PCDHGB3: variants seen among roughly 807,000 people sequenced by gnomAD.
The protein encoded by PCDHGB3 is protocadherin gamma subfamily B, 3, also known as protocadherin gamma-B3.
A neutral mutation model predicts 59.2 loss-of-function variants in PCDHGB3; 40 were observed. The observed-to-expected ratio is 0.68, with a 90% CI of 0.52 to 0.88. The LOEUF (loss-of-function observed/expected upper bound fraction) is 0.88. Ranked by LOEUF, PCDHGB3 falls within the 40% of genes least tolerant of loss-of-function variation. PCDHGB3 has a pLI of 0.00. For missense variants in PCDHGB3, 1,309 were observed against 1,187.9 expected (o/e 1.10, Z -1.50); for synonymous variants, 581 against 503.6 (o/e 1.15, Z -2.06).
intron 1 of PCDHGB3, chr5:141,375,974 G>T: frequency 6.2e-7 from 1 of 1,613,354 alleles, no homozygotes; most frequent in Non-Finnish European, 8.5e-7. Context: ...CACGGCGCGC[G>T]CCCTGCTGGA....
At chr5:141,497,595 A>C (rs973413640) in intron 2 of PCDHGB3, among the ~76,000 whole-genome samples, 1 of 147,414 alleles carries the variant, frequency 6.8e-6, no homozygotes, top group East Asian at 2.0e-4. Context: ...GCTGGAGTGC[A>C]GTGGTGCGAT....
chr5:141,495,547 C>G (rs2099762038), intron 2 of PCDHGB3, among the ~76,000 whole-genome samples: 1 of 152,228 alleles, frequency 6.6e-6, no homozygotes, highest in South Asian at 2.1e-4. Flanking sequence ...CAGTCTCTAT[C>G]TCGCTTTGCA....
At chr5:141,388,261 T>C in intron 1 of PCDHGB3, 1 of 1,611,348 alleles carries the variant, frequency 6.2e-7, no homozygotes. Flanking sequence ...ATCGAGGACA[T>C]TAATGACCAC....
At chr5:141,510,272 T>TAA (rs546154379) in intron 3 of PCDHGB3, among the ~76,000 whole-genome samples, 3,403 of 130,344 alleles carry the variant, frequency 0.026, 48 homozygotes, top group East Asian at 0.043. Context: ...GACTCCATCT[T>TAA]AAAAAAAAAA....
chr5:141,401,613 G>A (rs906957282), intron 1 of PCDHGB3, among the ~76,000 whole-genome samples: 1 of 152,162 alleles, frequency 6.6e-6, no homozygotes, highest in Admixed American at 6.5e-5. Flanking sequence ...AAAAGACACC[G>A]GATTTGTCTT....
intron 3 of PCDHGB3, 90 bp from the exon 4 acceptor site, chr5:141,510,857 A>G (rs1184962556): frequency 6.2e-7 from 1 of 1,605,538 alleles, no homozygotes; most frequent in Non-Finnish European, 8.5e-7. Flanking sequence ...AGGGTGCTGT[A>G]TAGGCATTCA....
rs1284989963 is a variant in PCDHGB3 at position 141,419,134 on chromosome 5, A to T, written c.2415+46325A>T. On this transcript the variant is annotated intron_variant, in intron 1 of 3. Transcript: ENST00000576222. ...AGTACAACGTCACCATCGCAGCCAC[A>T]GACAGGGGCAAGCCTCCGTTATCCT... is the stretch of plus-strand genomic sequence containing the variant. 2.5e-6 allele frequency: 4 copies of T among 1,613,826 alleles called. No individual in the cohort carries two copies. In the African/African-American group the frequency reaches 5.3e-5, roughly 22 times the overall value.
intron 1 of PCDHGB3, chr5:141,385,538 G>A (rs914768371): frequency 4.1e-5 from 55 of 1,337,642 alleles, no homozygotes; most frequent in Non-Finnish European, 4.8e-5. Flanking sequence ...TTATGAATAT[G>A]TGGACTATCA....
In PCDHGB3 at chr5:141,491,759, G is replaced by A; in HGVS notation, c.2416-3048G>A. On this transcript the variant is annotated intron_variant, in intron 1 of 3. Coordinates refer to ENST00000576222, the MANE Select transcript of PCDHGB3 (RefSeq NM_018924.5). The surrounding 1 kb of genome is among the most constrained non-coding windows in gnomAD (Gnocchi z 6.9). ...GGGGGCGGCACTGGAGAAGCCGCCC[G>A]TCCTCATAAGGGATTGAACTTGCAT... 2 of 1,575,392 alleles carry A rather than the reference G, an allele frequency of 1.3e-6. No homozygotes were observed. The highest frequency in any genetic ancestry group is 1.9e-5 in the Admixed American group (1 of 52,640).
Position 141,486,785 on chromosome 5 carries a change from C to G in PCDHGB3, c.2416-8022C>G, listed in dbSNP as rs763174232. The G allele has an allele frequency of 2.8e-5, 45 of 1,614,102 alleles. No homozygotes were observed. The highest frequency in any genetic ancestry group is 3.6e-5 in the Non-Finnish European group (42 of 1,180,050). On this transcript the variant is annotated intron_variant, in intron 1 of 3. Coordinates refer to ENST00000576222, the MANE Select transcript of PCDHGB3 (RefSeq NM_018924.5). The surrounding 1 kb of genome is among the most constrained non-coding windows in gnomAD (Gnocchi z 5.0). ...GACACTGCAGTTTGAGGTGCAGGCC[C>G]GGGATCGGGGCAACCCACCCCTTAG... is the stretch of plus-strand genomic sequence containing the variant.
At chr5:141,426,680 T>TC in intron 1 of PCDHGB3, 1 of 431,452 alleles carries the variant, frequency 2.3e-6, no homozygotes, top group South Asian at 1.6e-5. Context: ...CACCTCATTT[T>TC]CCCCAAAATA....
intron 1 of PCDHGB3, chr5:141,413,404 C>T: frequency 6.2e-7 from 1 of 1,614,046 alleles, no homozygotes; most frequent in Non-Finnish European, 8.5e-7. Context: ...AGGTAGGACG[C>T]AGCTTTTCTC....
chr5:141,420,205 C>T (rs776838072), intron 1 of PCDHGB3: 14 of 1,612,942 alleles, frequency 8.7e-6, no homozygotes, highest in African/African-American at 1.3e-5. Context: ...ATAACCTCAA[C>T]AAAGATAGCA....
Position 141,486,397 on chromosome 5 carries a change from G to A in PCDHGB3, c.2416-8410G>A, listed in dbSNP as rs778989869. The A allele has an allele frequency of 5.0e-6, 8 of 1,614,046 alleles. No individual in the cohort carries two copies. The South Asian group carries it at 7.7e-5, about 16-fold the overall frequency. ...CCTTCAGGAACCAGTTCTCCCTGGT[G>A]ACTGCTGGACCCTTGGATCGAGAGG... On this transcript the variant is annotated intron_variant, in intron 1 of 3. Transcript: ENST00000576222. The surrounding 1 kb of genome is among the most constrained non-coding windows in gnomAD (Gnocchi z 5.0).
chr5:141,402,801 G>A, intron 1 of PCDHGB3: 6 of 1,078,624 alleles, frequency 5.6e-6, no homozygotes, highest in Non-Finnish European at 7.6e-6. Context: ...CACAAAACCC[G>A]GCAGATACCA....
chr5:141,510,798 A>G, intron 3 of PCDHGB3, 149 bp from the exon 4 acceptor site: 1 of 1,474,326 alleles, frequency 6.8e-7, no homozygotes, highest in South Asian at 1.3e-5. Context: ...GTGAAGAGAG[A>G]CTACCTTGGT....
At chr5:141,446,837 T>G (rs2098518039) in intron 1 of PCDHGB3, among the ~76,000 whole-genome samples, 1 of 152,168 alleles carries the variant, frequency 6.6e-6, no homozygotes, top group South Asian at 2.1e-4. Flanking sequence ...CTTATAAGGC[T>G]GAGCATAATA....
chr5:141,399,950 G>A lies in PCDHGB3; in HGVS notation c.2415+27141G>A, dbSNP rs566695854. On this transcript the variant is annotated intron_variant, in intron 1 of 3. Coordinates refer to ENST00000576222, the MANE Select transcript of PCDHGB3 (RefSeq NM_018924.5). ...CTGTCCTACCACGTGCTGCAGGCTA[G>A]CGAGCCCGGGCTCTTCAGCCTGGGG... The A allele has an allele frequency of 4.3e-6, 7 of 1,612,178 alleles. No individual in the cohort carries two copies. The African/African-American group carries it at 6.7e-5, about 15-fold the overall frequency.
Position 141,404,333 on chromosome 5 carries a change from C to T in PCDHGB3, c.2415+31524C>T, listed in dbSNP as rs181615917. On this transcript the variant is annotated intron_variant, in intron 1 of 3. Transcript: ENST00000576222. ...CTCTCAAGCCTCCTACTCAGTCTACCTCCCGGAAAACAACGCCAGAGGTAC... is the reference window on the plus strand; with the variant it reads ...CTCTCAAGCCTCCTACTCAGTCTACTTCCCGGAAAACAACGCCAGAGGTAC... The T allele has an allele frequency of 3.8e-5, 62 of 1,613,854 alleles. No homozygotes were observed. The East Asian group carries it at 8.5e-4, about 22-fold the overall frequency.
Sources: gnomAD v4.1 joint callset for allele counts (sites outside exome capture counted in the v4.1 genomes callset) on GRCh38, gnomAD v4.1.1 for gene constraint, Gnocchi (gnomAD v3.1) non-coding constraint, MANE v1.5 for transcripts, NCBI Gene and HGNC (gene_info 2026-07-23, HGNC 2026-07-21) for gene names.